Variants in DSE observed in about 807,000 individuals in gnomAD.
The protein encoded by DSE is dermatan-sulfate epimerase.
In DSE, 36 loss-of-function variants were observed where a neutral mutation model predicts 84.4. The observed-to-expected ratio is 0.43, with a 90% CI of 0.33 to 0.56. DSE has a LOEUF of 0.56. DSE is among the 20% of genes least tolerant of loss of function. The probability of loss-of-function intolerance (pLI) is 0.06; values close to 1 mark genes in which losing one functional copy is unlikely to be tolerated. For missense variants in DSE, 862 were observed against 1,169.6 expected (o/e 0.74, Z 3.84); for synonymous variants, 410 against 430.1 (o/e 0.95, Z 0.58).
intron 2 of DSE, chr6:116,279,765 G>C: frequency 3.1e-6 from 5 of 1,612,572 alleles, no homozygotes; most frequent in Non-Finnish European, 4.2e-6. Context: ...TCGGGACTTG[G>C]TCAGAAATAA....
At chr6:116,323,714 T>C (rs1776461165) in intron 2 of DSE, among the ~76,000 whole-genome samples, 1 of 152,190 alleles carries the variant, frequency 6.6e-6, no homozygotes, top group South Asian at 2.1e-4. Flanking sequence ...AAGTAAGAAA[T>C]ATGTTTAATA....
chr6:116,348,455 AC>A (rs984034729), intron 2 of DSE, among the ~76,000 whole-genome samples: 2 of 151,348 alleles, frequency 1.3e-5, no homozygotes, highest in Admixed American at 6.6e-5. Context: ...CAAAAAAAAA[AC>A]CCCAAAAGTC....
chr6:116,370,149 G>A (rs1377155197), upstream of DSE: 2 of 339,050 alleles, frequency 5.9e-6, no homozygotes, highest in Admixed American at 7.6e-5. Context: ...GACTACCAAG[G>A]TTGCAAATGC....
At chr6:116,423,225 A>C (rs947048977) in intron 2 of DSE, 4 of 152,258 alleles carry the variant, frequency 2.6e-5, no homozygotes, top group Admixed American at 2.6e-4. Flanking sequence ...GTGAGTTCAA[A>C]AAGAAAAAGC....
chr6:116,312,770 T>C (rs1775765786), intron 2 of DSE, among the ~76,000 whole-genome samples: 1 of 151,908 alleles, frequency 6.6e-6, no homozygotes, highest in South Asian at 2.1e-4. Context: ...TTGCGTAAAA[T>C]ATATATATTT....
At chr6:116,343,597 G>C (rs1405680318) in intron 2 of DSE, among the ~76,000 whole-genome samples, 1 of 152,120 alleles carries the variant, frequency 6.6e-6, no homozygotes, top group Non-Finnish European at 1.5e-5. Context: ...ACTGTTAGAA[G>C]GAAAACTAAC....
At chr6:116,341,105 G>C (rs539188505) in intron 2 of DSE, among the ~76,000 whole-genome samples, 1 of 152,332 alleles carries the variant, frequency 6.6e-6, no homozygotes, top group East Asian at 1.9e-4. Flanking sequence ...ACTCCCAACA[G>C]TGTAAAAGTG....
chr6:116,341,238 G>A (rs1460387912), intron 2 of DSE, among the ~76,000 whole-genome samples: 1 of 152,206 alleles, frequency 6.6e-6, no homozygotes, highest in Non-Finnish European at 1.5e-5. Flanking sequence ...GATGGCCAGT[G>A]ATGATGACCA....
intron 2 of DSE, among the ~76,000 whole-genome samples, chr6:116,364,887 G>A (rs1779078870): frequency 6.9e-6 from 1 of 145,072 alleles, no homozygotes; most frequent in Admixed American, 7.0e-5. Context: ...AGGCTGGAGT[G>A]CAGTGGTGTG....
At position 116,299,541 on chromosome 6, in the gene DSE, TATATATATATACACATAC is replaced by T. The variant is rs1208544031; in HGVS notation, c.-54+40576_-54+40593del. On this transcript the variant is annotated intron_variant, in intron 2 of 3. Coordinates refer to the DSE transcript ENST00000430252. ...ATATATATATATATATATATATATA[TATATATATATACACATAC>T]ACACACACACACACATACATATATA... Among the ~76,000 whole-genome samples, 101 of 24,290 alleles carry T rather than the reference TATATATATATACACATAC, an allele frequency of 4.2e-3. 4 individuals carry two copies. The highest frequency in any genetic ancestry group is 0.019 in the African/African-American group (83 of 4,400). The allele number at this position is 24,290 out of a possible 152,430, so 15.9% of individuals were successfully genotyped here.
At chr6:116,357,236 C>T (rs1450902985) in intron 2 of DSE, among the ~76,000 whole-genome samples, 1 of 152,136 alleles carries the variant, frequency 6.6e-6, no homozygotes, top group African/African-American at 2.4e-5. Context: ...CCTTTAGCCA[C>T]AAAAACAAGT....
rs1422394333 is a variant in DSE at position 116,436,094 on chromosome 6, G to C, written c.1626G>C (p.Val542=). Reference sequence around the variant, plus strand: ...TGGTTTTCATCCGAGGAGAAGGTGTGGGAGCTTATAACCCCCAGCTCAACC... The same window carrying C: ...TGGTTTTCATCCGAGGAGAAGGTGTCGGAGCTTATAACCCCCAGCTCAACC... ...NGVVFIRGEG[V]GAYNPQLNLK... The change falls in exon 6 of 6, where the codon GTG becomes GTC. Residue 542 remains valine (V), a synonymous_variant. Transcript: ENST00000644252. 1 of 1,613,162 alleles carries C rather than the reference G, an allele frequency of 6.2e-7. No individual in the cohort carries two copies. The highest frequency in any genetic ancestry group is 8.5e-7 in the Non-Finnish European group (1 of 1,179,992).
intron 2 of DSE, among the ~76,000 whole-genome samples, chr6:116,302,989 C>A (rs1775128022): frequency 6.6e-6 from 1 of 152,148 alleles, no homozygotes; most frequent in Admixed American, 6.5e-5. Flanking sequence ...CTGTTCTGTT[C>A]CACTGGTCTA....
intron 2 of DSE, among the ~76,000 whole-genome samples, chr6:116,267,682 A>G (rs1582911705): frequency 1.3e-5 from 2 of 152,212 alleles, no homozygotes; most frequent in South Asian, 4.1e-4. Flanking sequence ...AAAATGTACA[A>G]TAGCATATTA....
intron 2 of DSE, among the ~76,000 whole-genome samples, chr6:116,322,149 A>G (rs899734143): frequency 6.6e-5 from 10 of 152,146 alleles, no homozygotes; most frequent in Non-Finnish European, 4.4e-5. Flanking sequence ...AGCTACATGT[A>G]CTGGTAATTA....
At chr6:116,306,220 A>G (rs1207331437) in intron 2 of DSE, among the ~76,000 whole-genome samples, 1 of 152,220 alleles carries the variant, frequency 6.6e-6, no homozygotes, top group East Asian at 1.9e-4. Flanking sequence ...CAACCTTTCT[A>G]TAAGTTTAAA....
chr6:116,374,486 C>A (rs1779802139), intron 1 of DSE, among the ~76,000 whole-genome samples: 1 of 152,064 alleles, frequency 6.6e-6, no homozygotes, highest in African/African-American at 2.4e-5. Context: ...AGTGACATAA[C>A]CCTACTAAAA....
chr6:116,422,433 A>G (rs1031611564), intron 2 of DSE, among the ~76,000 whole-genome samples: 3 of 152,222 alleles, frequency 2.0e-5, no homozygotes, highest in Non-Finnish European at 4.4e-5. Context: ...CCAAATTGAG[A>G]TAACTATAAT....
At chr6:116,356,848 T>C (rs951080352) in intron 2 of DSE, among the ~76,000 whole-genome samples, 1 of 152,144 alleles carries the variant, frequency 6.6e-6, no homozygotes, top group African/African-American at 2.4e-5. Flanking sequence ...ATAGAAAGCC[T>C]CACCACTCAT....
Sources: allele counts gnomAD v4.1 joint callset (sites outside exome capture counted in the v4.1 genomes callset), GRCh38; gene constraint gnomAD v4.1.1; transcripts MANE v1.5; gene names NCBI Gene and HGNC (gene_info 2026-07-23, HGNC 2026-07-21).